Variants in RBFOX1 observed in about 807,000 individuals in gnomAD.
The protein encoded by RBFOX1 is RNA binding fox-1 homolog 1, also known as RNA binding protein fox-1 homolog 1.
A neutral mutation model predicts 57.7 loss-of-function variants in RBFOX1; 8 were observed. The ratio of observed to expected loss-of-function variants is 0.14; its 90% CI spans 0.08 to 0.25. The LOEUF (loss-of-function observed/expected upper bound fraction) is 0.25. Ranked by LOEUF, RBFOX1 falls within the 10% of genes least tolerant of loss-of-function variation. RBFOX1 has a pLI of 1.00. For synonymous variants in RBFOX1, 326 were observed against 222.4 expected, an observed-to-expected ratio of 1.47 and a Z score of -4.15; for missense variants, 611 against 548.5, an observed-to-expected ratio of 1.11 and a Z score of -1.14.
At chr16:7,062,455 G>A (rs891803214) in intron 4 of RBFOX1, among the ~76,000 whole-genome samples, 2 of 152,096 alleles carry the variant, frequency 1.3e-5, no homozygotes, top group Non-Finnish European at 2.9e-5. Flanking sequence ...GGTACAGCAA[G>A]CATGTGCTTC....
chr16:7,486,705 G>A (rs1285272713), intron 4 of RBFOX1, among the ~76,000 whole-genome samples: 1 of 152,086 alleles, frequency 6.6e-6, no homozygotes, highest in Non-Finnish European at 1.5e-5. Flanking sequence ...CCATTTTGGA[G>A]CAGATGCTAA....
chr16:6,014,615 C>T (rs919528495), upstream of RBFOX1, among the ~76,000 whole-genome samples: 2 of 152,118 alleles, frequency 1.3e-5, no homozygotes, highest in Non-Finnish European at 2.9e-5. Context: ...CCCCTGTGGT[C>T]CTCAGACTGA....
intron 2 of RBFOX1, among the ~76,000 whole-genome samples, chr16:6,622,311 A>C (rs2098244516): frequency 6.6e-6 from 1 of 152,210 alleles, no homozygotes; most frequent in African/African-American, 2.4e-5. Flanking sequence ...TGCCCTATAC[A>C]GATGTATAAT....
At chr16:6,633,290 T>G (rs923072498) in intron 2 of RBFOX1, among the ~76,000 whole-genome samples, 23 of 152,212 alleles carry the variant, frequency 1.5e-4, no homozygotes, top group African/African-American at 5.3e-4. Context: ...TATTTTATTT[T>G]TTTTGAGACA....
intron 4 of RBFOX1, among the ~76,000 whole-genome samples, chr16:7,149,971 T>C (rs1294846899): frequency 6.6e-6 from 1 of 152,138 alleles, no homozygotes; most frequent in Non-Finnish European, 1.5e-5. Context: ...CTCAGACTTT[T>C]ATGTATGGTA....
At chr16:6,658,588 T>G (rs908699199) in intron 3 of RBFOX1, among the ~76,000 whole-genome samples, 1 of 152,212 alleles carries the variant, frequency 6.6e-6, no homozygotes, top group African/African-American at 2.4e-5. Context: ...AGACTCTTCA[T>G]AGAATAAAAG....
chr16:5,342,359 G>A (rs796974075), intron 1 of RBFOX1, among the ~76,000 whole-genome samples: 7 of 152,280 alleles, frequency 4.6e-5, no homozygotes, highest in African/African-American at 1.7e-4. Flanking sequence ...AGCCTTGGGG[G>A]ACTACAGAGC....
chr16:6,661,419 G>T (rs1038706786), intron 3 of RBFOX1, among the ~76,000 whole-genome samples: 12 of 152,290 alleles, frequency 7.9e-5, no homozygotes, highest in Admixed American at 2.6e-4. Flanking sequence ...TTGGCTAAAG[G>T]AGAGACTACA....
chr16:7,327,958 C>A (rs145194563), intron 4 of RBFOX1, among the ~76,000 whole-genome samples: 2 of 152,144 alleles, frequency 1.3e-5, no homozygotes, highest in Admixed American at 1.3e-4. Context: ...CTAGATACCC[C>A]CTGTCTCTCA....
chr16:7,340,710 C>G (rs888342546), intron 4 of RBFOX1, among the ~76,000 whole-genome samples: 18 of 152,210 alleles, frequency 1.2e-4, no homozygotes, highest in African/African-American at 4.3e-4. Flanking sequence ...CAGTTATTAA[C>G]TTTGTCATGA....
At chr16:5,485,739 C>T (rs1006017215) in intron 2 of RBFOX1, among the ~76,000 whole-genome samples, 19 of 152,180 alleles carry the variant, frequency 1.2e-4, no homozygotes, top group Non-Finnish European at 2.1e-4. Context: ...TAGGGCATTT[C>T]CTTAAACACC....
At chr16:5,873,532 A>T (rs899760435) in intron 4 of RBFOX1, among the ~76,000 whole-genome samples, 1 of 152,208 alleles carries the variant, frequency 6.6e-6, no homozygotes, top group African/African-American at 2.4e-5. Flanking sequence ...TCAGTTGGAG[A>T]TATGGTTAGT....
chr16:5,814,986 T>TC (rs2055575550), intron 3 of RBFOX1, among the ~76,000 whole-genome samples: 2 of 151,242 alleles, frequency 1.3e-5, no homozygotes, highest in African/African-American at 4.9e-5. Flanking sequence ...CTATTTTCTT[T>TC]CTTTCTTTTT....
At chr16:5,615,971 C>T (rs1459565602) in intron 3 of RBFOX1, among the ~76,000 whole-genome samples, 2 of 152,164 alleles carry the variant, frequency 1.3e-5, no homozygotes, top group Non-Finnish European at 2.9e-5. Flanking sequence ...GGCTGAGAGG[C>T]GTCTCCAGGA....
chr16:6,388,167 C>T (rs2092403206), intron 2 of RBFOX1, among the ~76,000 whole-genome samples: 2 of 151,998 alleles, frequency 1.3e-5, no homozygotes, highest in Middle Eastern at 3.4e-3. Context: ...GGAGTTTCAC[C>T]TTGTTAACCA....
At position 5,883,894 on chromosome 16, in the gene RBFOX1, T is replaced by C. The variant is rs1597629117; in HGVS notation, c.351+16559T>C. ...GAGAAGGTAGGAACCCTGATATTTC[T>C]CCCTTTAGGGACAACACATTATCTT... On this transcript the variant is annotated intron_variant, in intron 4 of 19. Coordinates refer to the RBFOX1 transcript ENST00000641259. Among the ~76,000 whole-genome samples the C allele has an allele frequency of 2.0e-5, 3 of 152,296 alleles. 1 individual carries two copies. The highest frequency in any genetic ancestry group is 2.0e-4 in the Admixed American group (3 of 15,294).
chr16:5,246,162 A>G (rs999205537), intron 1 of RBFOX1, among the ~76,000 whole-genome samples: 2 of 152,196 alleles, frequency 1.3e-5, no homozygotes, highest in Non-Finnish European at 2.9e-5. Flanking sequence ...GAATCATTTG[A>G]ACCTGGGAGA....
At chr16:6,200,320 T>C (rs868244752) in intron 1 of RBFOX1, among the ~76,000 whole-genome samples, 3 of 152,100 alleles carry the variant, frequency 2.0e-5, no homozygotes, top group African/African-American at 7.2e-5. Flanking sequence ...ACGCTTTTCA[T>C]TGTATGCCCC....
chr16:6,886,586 C>T (rs1044794969), intron 3 of RBFOX1, among the ~76,000 whole-genome samples: 1 of 151,768 alleles, frequency 6.6e-6, no homozygotes, highest in Non-Finnish European at 1.5e-5. Context: ...AACCATGTCT[C>T]TACTAAAAAT....
Sources: allele counts gnomAD v4.1 joint callset (sites outside exome capture counted in the v4.1 genomes callset), GRCh38; gene constraint gnomAD v4.1.1; transcripts MANE v1.5; gene names NCBI Gene and HGNC (gene_info 2026-07-23, HGNC 2026-07-21).